The following FOXP1 variants were observed in gnomAD, a reference collection of about 807,000 sequenced individuals.
FOXP1 encodes the protein forkhead box protein P1.
Under a neutral mutation model 98.2 loss-of-function variants are expected in FOXP1, and 15 were observed. The ratio of observed to expected loss-of-function variants is 0.15; its 90% CI spans 0.10 to 0.24. FOXP1 has a LOEUF of 0.24. Among genes scored for constraint, FOXP1 ranks in the 10% least tolerant of loss-of-function variants. FOXP1 has a pLI of 1.00. For synonymous variants in FOXP1, 371 were observed against 314.5 expected (o/e 1.18, Z -1.90); for missense variants, 633 against 848.5 (o/e 0.75, Z 3.15).
intron 3 of FOXP1, among the ~76,000 whole-genome samples, chr3:71,366,520 C>T (rs1416349547): frequency 6.6e-6 from 1 of 152,030 alleles, no homozygotes; most frequent in Admixed American, 6.6e-5. Context: ...AGTATTTGCC[C>T]TAGAGAAATG....
chr3:71,320,547 T>C (rs1265573262), intron 4 of FOXP1, among the ~76,000 whole-genome samples: 1 of 152,116 alleles, frequency 6.6e-6, no homozygotes, highest in Non-Finnish European at 1.5e-5. Flanking sequence ...CTAACCTCCC[T>C]TTAGATCAAT....
chr3:71,366,717 T>C (rs1378803195), intron 3 of FOXP1, among the ~76,000 whole-genome samples: 1 of 152,226 alleles, frequency 6.6e-6, no homozygotes, highest in African/African-American at 2.4e-5. Flanking sequence ...AGACTAGAAG[T>C]GTCTTGAGAG....
At chr3:71,403,886 G>A (rs375863102) in intron 3 of FOXP1, among the ~76,000 whole-genome samples, 2 of 151,958 alleles carry the variant, frequency 1.3e-5, no homozygotes, top group African/African-American at 4.8e-5. Flanking sequence ...TAAAGGATCC[G>A]AGAAATGATG....
chr3:71,374,103 C>T (rs868450515), intron 3 of FOXP1, among the ~76,000 whole-genome samples: 3 of 152,118 alleles, frequency 2.0e-5, no homozygotes, highest in Non-Finnish European at 2.9e-5. Flanking sequence ...TGACGGTGTA[C>T]GTTTTTTGAA....
In FOXP1 at chr3:70,956,362, T is replaced by C. The variant is rs1407330857; in HGVS notation, c.*2885A>G. On this transcript the variant is annotated 3_prime_UTR_variant, in exon 21 of 21. Coordinates refer to ENST00000649528, the MANE Select transcript of FOXP1 (RefSeq NM_001349338.3). ...AAAGCCTGAGAATTTTTTTTTCAGT[T>C]GGTTCTTCTGCAAGGCTGTGATACC... 1 of 232,818 alleles carries C rather than the reference T, an allele frequency of 4.3e-6. No individual in the cohort carries two copies. Among genetic ancestry groups the C allele is most frequent in the Non-Finnish European group, 8.5e-6 (1 of 117,770 alleles). 14.4% of individuals were successfully genotyped at this position (232,818 alleles called of 1,614,324 possible). A position where few individuals can be genotyped will look rare whatever the true frequency, so the allele number is the denominator to read the frequency against.
chr3:71,504,179 G>A (rs935136836), intron 2 of FOXP1, among the ~76,000 whole-genome samples: 23 of 151,812 alleles, frequency 1.5e-4, no homozygotes, highest in East Asian at 1.9e-4. Flanking sequence ...GCCTCAAATC[G>A]AAAAAAACAC....
intron 2 of FOXP1, among the ~76,000 whole-genome samples, chr3:71,528,809 C>G (rs1362045422): frequency 1.3e-5 from 2 of 152,176 alleles, no homozygotes; most frequent in African/African-American, 4.8e-5. Flanking sequence ...TTCAAAGACA[C>G]AGCTTTGGCC....
At chr3:71,103,912 G>A (rs758385962) in intron 7 of FOXP1, among the ~76,000 whole-genome samples, 2 of 151,912 alleles carry the variant, frequency 1.3e-5, no homozygotes, top group Non-Finnish European at 2.9e-5. Context: ...AACCACAGAC[G>A]AATATTGTGT....
intron 17 of FOXP1, among the ~76,000 whole-genome samples, chr3:70,972,962 G>GT (rs2036593323): frequency 6.6e-6 from 1 of 152,092 alleles, no homozygotes; most frequent in Admixed American, 6.5e-5. Context: ...AGGTTCCAGA[G>GT]TACAAATCTG....
rs572487477 is a variant in FOXP1, at chr3:71,081,499, C to T, written c.283-27726G>A. 8.5e-5 allele frequency among the ~76,000 whole-genome samples: 13 copies of T among 152,230 alleles called. No homozygotes were observed. In the East Asian group the frequency reaches 2.5e-3, roughly 29 times the overall value. On this transcript the variant is annotated intron_variant, in intron 7 of 20. Transcript: ENST00000649528. ...GTTACAGGCAGAACCGAGACCAGAA[C>T]CTAAAACCTGCGACTCCTTATTAAG...
intron 11 of FOXP1, among the ~76,000 whole-genome samples, chr3:71,033,628 C>A (rs1181339775): frequency 4.0e-4 from 32 of 80,912 alleles, no homozygotes; most frequent in East Asian, 8.0e-4. Context: ...AAAAAAAAAA[C>A]AACCCATAAA....
intron 9 of FOXP1, 85 bp downstream of exon 9, chr3:71,052,452 A>G: frequency 1.2e-6 from 1 of 830,836 alleles, no homozygotes. Context: ...TTGTGCAATC[A>G]TTTAAAAGAT....
intron 13 of FOXP1, among the ~76,000 whole-genome samples, chr3:70,999,176 A>G (rs933824822): frequency 2.6e-5 from 4 of 151,678 alleles, no homozygotes; most frequent in African/African-American, 7.3e-5. Flanking sequence ...TGCAACCTCT[A>G]CCTCCCGGGT....
intron 4 of FOXP1, among the ~76,000 whole-genome samples, chr3:71,331,718 T>C (rs978335201): frequency 6.6e-6 from 1 of 152,196 alleles, no homozygotes; most frequent in Non-Finnish European, 1.5e-5. Context: ...ACTCTGCATC[T>C]AGTTAATCTG....
At chr3:71,549,528 T>C (rs1000177054) in intron 2 of FOXP1, among the ~76,000 whole-genome samples, 79 of 152,228 alleles carry the variant, frequency 5.2e-4, no homozygotes, top group African/African-American at 1.7e-3. Context: ...GCATACACCA[T>C]CACACCTGGA....
intron 4 of FOXP1, among the ~76,000 whole-genome samples, chr3:71,328,832 G>A (rs944411559): frequency 6.6e-6 from 1 of 151,946 alleles, no homozygotes; most frequent in Non-Finnish European, 1.5e-5. Flanking sequence ...ATTAGCCGAC[G>A]TGGTGGTGCA....
chr3:71,151,861 A>G (rs904857993), intron 6 of FOXP1, among the ~76,000 whole-genome samples: 3 of 152,164 alleles, frequency 2.0e-5, no homozygotes, highest in African/African-American at 7.2e-5. Context: ...TCCTCCAGGA[A>G]GCTGGAGAAC....
intron 5 of FOXP1, among the ~76,000 whole-genome samples, chr3:71,255,623 C>T (rs918507543): frequency 1.8e-4 from 27 of 152,062 alleles, no homozygotes; most frequent in African/African-American, 6.0e-4. Flanking sequence ...GGTAAAGGTT[C>T]TCTGTTTATT....
At chr3:71,047,752 C>A (rs1218125905) in intron 9 of FOXP1, among the ~76,000 whole-genome samples, 1 of 152,216 alleles carries the variant, frequency 6.6e-6, no homozygotes, top group African/African-American at 2.4e-5. Flanking sequence ...GCTTCAGATG[C>A]CTTAACATGG....
Sources: allele counts gnomAD v4.1 joint callset (sites outside exome capture counted in the v4.1 genomes callset), GRCh38; gene constraint gnomAD v4.1.1; transcripts MANE v1.5; gene names NCBI Gene and HGNC (gene_info 2026-07-23, HGNC 2026-07-21).